EWSR1: variants seen among roughly 807,000 people sequenced by gnomAD.
The protein encoded by EWSR1 is RNA-binding protein EWS.
In EWSR1, 14 loss-of-function variants were observed where a neutral mutation model predicts 92.1. That is an observed-to-expected ratio of 0.15 (90% CI 0.10 to 0.24). The LOEUF (loss-of-function observed/expected upper bound fraction) is 0.24. Among genes scored for constraint, EWSR1 ranks in the 10% least tolerant of loss-of-function variants. EWSR1 has a pLI of 1.00. For missense variants in EWSR1, 637 were observed against 870.9 expected, an observed-to-expected ratio of 0.73 and a Z score of 3.38; for synonymous variants, 303 against 292.9, an observed-to-expected ratio of 1.03 and a Z score of -0.35.
At chr22:29,290,966 G>A (rs1039712724) in intron 8 of EWSR1, 2 of 237,508 alleles carry the variant, frequency 8.4e-6, no homozygotes, top group Non-Finnish European at 1.6e-5. Flanking sequence ...TTGAGCCTTG[G>A]TATTTGTTGT....
Position 29,285,882 on chromosome 22 carries a change from G to T in EWSR1, c.582-1041G>T, listed in dbSNP as rs570702917. Among the ~76,000 whole-genome samples, 22 of 152,132 alleles carry T rather than the reference G, an allele frequency of 1.4e-4. No homozygotes were observed. In the South Asian group the frequency reaches 1.7e-3, roughly 11 times the overall value. On this transcript the variant is annotated intron_variant, in intron 6 of 16. Transcript: ENST00000397938. ...AGACGGAGTCTCGCTCTGTCGCCCA[G>T]GCTGGAGTGCAGTGGCACTATCTCG...
At chr22:29,280,291 C>T (rs895530026) in intron 5 of EWSR1, among the ~76,000 whole-genome samples, 24 of 152,196 alleles carry the variant, frequency 1.6e-4, no homozygotes, top group African/African-American at 5.3e-4. Context: ...TGGTCTCGAA[C>T]TCGTGACCTC....
intron 8 of EWSR1, chr22:29,290,306 C>T: frequency 9.0e-7 from 1 of 1,105,584 alleles, no homozygotes; most frequent in South Asian, 1.6e-5. Flanking sequence ...GTAAGGCACT[C>T]AATGTTGTTA....
intron 5 of EWSR1, among the ~76,000 whole-genome samples, chr22:29,280,862 GTTTTTTTTTTTT>G (rs71196650): frequency 3.8e-4 from 24 of 62,896 alleles, no homozygotes; most frequent in African/African-American, 1.2e-3. Flanking sequence ...TGTGTGTGTT[GTTTTTTTTTTTT>G]TTTTTTTTTT....
chr22:29,300,423 TCATTGTGGAGAAC>T lies in EWSR1; in HGVS notation c.*265_*277del. 1 of 387,542 alleles carries T rather than the reference TCATTGTGGAGAAC, an allele frequency of 2.6e-6. No individual in the cohort carries two copies. Among genetic ancestry groups the T allele is most frequent in the Middle Eastern group, 7.0e-4 (1 of 1,430 alleles). The allele number at this position is 387,542 out of a possible 1,614,324, so 24.0% of individuals were successfully genotyped here. ...GAACCCCTTGTGAGCATGCTCAGTA[TCATTGTGGAGAAC>T]CAAGAGGGCCTCTTAACTGTAACAA... On this transcript the variant is annotated 3_prime_UTR_variant, in exon 17 of 17. Coordinates refer to ENST00000397938, the MANE Select transcript of EWSR1 (RefSeq NM_005243.4).
At chr22:29,288,328 C>T (rs1422496067) in intron 7 of EWSR1, among the ~76,000 whole-genome samples, 2 of 152,032 alleles carry the variant, frequency 1.3e-5, no homozygotes, top group Non-Finnish European at 2.9e-5. Flanking sequence ...GATATAGAAC[C>T]CTATAAACTA....
intron 4 of EWSR1, chr22:29,276,425 C>T (rs2059130879): frequency 4.5e-6 from 1 of 222,126 alleles, no homozygotes. Flanking sequence ...TGTATAATTT[C>T]AGAATTTCCT....
Position 29,279,399 on chromosome 22 carries a change from A to G in EWSR1, c.413+1183A>G, listed in dbSNP as rs980783558. 3.3e-5 allele frequency among the ~76,000 whole-genome samples: 5 copies of G among 152,338 alleles called. No individual in the cohort carries two copies. The East Asian group carries it at 9.6e-4, about 29-fold the overall frequency. On this transcript the variant is annotated intron_variant, in intron 5 of 16. Coordinates refer to ENST00000397938, the MANE Select transcript of EWSR1 (RefSeq NM_005243.4). ...TACTGTCTCGGCTTAAGCAATTGAC[A>G]TGACTTCCCTACATTGTATAGAGGC...
At chr22:29,270,160 C>T (rs1225986801) in intron 1 of EWSR1, among the ~76,000 whole-genome samples, 2 of 152,212 alleles carry the variant, frequency 1.3e-5, no homozygotes, top group East Asian at 3.8e-4. Context: ...TAGTGTGAAG[C>T]AGCTTCCATA....
At chr22:29,286,555 T>C (rs1471584353) in intron 6 of EWSR1, among the ~76,000 whole-genome samples, 1 of 151,612 alleles carries the variant, frequency 6.6e-6, no homozygotes, top group Non-Finnish European at 1.5e-5. Flanking sequence ...GGCGTGGTGG[T>C]GGGCACCTGT....
intron 7 of EWSR1, 137 bp downstream of exon 7, chr22:29,287,271 C>T (rs1602415530): frequency 1.2e-6 from 1 of 828,068 alleles, no homozygotes; most frequent in Admixed American, 2.2e-5. Flanking sequence ...TACAGTGGTG[C>T]CATCTCAGCT....
intron 8 of EWSR1, chr22:29,290,664 G>A (rs2060374601): frequency 7.2e-7 from 1 of 1,382,076 alleles, no homozygotes; most frequent in Non-Finnish European, 9.4e-7. Context: ...TAACATTAAA[G>A]TGTAAACTTT....
At position 29,278,239 on chromosome 22, in the gene EWSR1, G is replaced by A. The variant is rs746727346; in HGVS notation, c.413+23G>A. On this transcript the variant is annotated intron_variant, in intron 5 of 16. Transcript: ENST00000397938. The stretch of plus-strand genomic sequence containing the variant: ...AAGGTAAGGCCATGGTGTCCTTAAT[G>A]CGTCAGTCTTATGTTGGAGGGAAAG... 3 of 1,608,500 alleles carry A rather than the reference G, an allele frequency of 1.9e-6. No homozygotes were observed. The South Asian group carries it at 3.3e-5, about 18-fold the overall frequency.
intron 14 of EWSR1, 43 bp downstream of exon 14, chr22:29,298,938 C>T: frequency 6.7e-7 from 1 of 1,503,590 alleles, no homozygotes; most frequent in Non-Finnish European, 8.9e-7. Context: ...CGAGTGAAGC[C>T]ACCCTTCCCT....
At chr22:29,280,732 G>A (rs1025210890) in intron 5 of EWSR1, among the ~76,000 whole-genome samples, 1 of 150,866 alleles carries the variant, frequency 6.6e-6, no homozygotes, top group African/African-American at 2.4e-5. Context: ...AGAGTGCGAT[G>A]GCACAATCTC....
chr22:29,298,076 C>T (rs1397511513), intron 13 of EWSR1, 127 bp downstream of exon 13: 2 of 1,079,718 alleles, frequency 1.9e-6, no homozygotes, highest in Non-Finnish European at 2.6e-6. Flanking sequence ...CTATCGAGAG[C>T]TAACAATGAA....
intron 5 of EWSR1, among the ~76,000 whole-genome samples, chr22:29,281,412 C>T (rs1411952323): frequency 4.1e-5 from 6 of 147,664 alleles, no homozygotes; most frequent in Non-Finnish European, 9.0e-5. Context: ...CCAGCAGTCC[C>T]TCCCACCTCA....
intron 13 of EWSR1, among the ~76,000 whole-genome samples, chr22:29,298,308 C>T (rs2061028029): frequency 6.6e-6 from 1 of 152,022 alleles, no homozygotes; most frequent in African/African-American, 2.4e-5. Context: ...GAGTTTAAGA[C>T]CAGCCTGGCC....
In EWSR1 at chr22:29,284,876, A is replaced by G. The variant is rs552774574; in HGVS notation, c.582-2047A>G. On this transcript the variant is annotated intron_variant, in intron 6 of 16. Transcript: ENST00000397938. Reference sequence around the variant, plus strand: ...CTCCTGTTACCTAGGCTGGAGTGCAATGGTGCGATCTTGGCTCACCGCAAC... The same window carrying G: ...CTCCTGTTACCTAGGCTGGAGTGCAGTGGTGCGATCTTGGCTCACCGCAAC... Among the ~76,000 whole-genome samples the G allele has an allele frequency of 8.7e-4, 131 of 151,084 alleles. 5 individuals are homozygous for G. Among genetic ancestry groups the G allele is most frequent in the African/African-American group, 3.1e-3 (126 of 40,492 alleles).
Sources: gnomAD v4.1 joint callset for allele counts (sites outside exome capture counted in the v4.1 genomes callset) on GRCh38, gnomAD v4.1.1 for gene constraint, MANE v1.5 for transcripts, NCBI Gene and HGNC (gene_info 2026-07-23, HGNC 2026-07-21) for gene names.